The following FHIT variants were observed in gnomAD, a reference collection of about 807,000 sequenced individuals.
FHIT encodes bis(5'-adenosyl)-triphosphatase.
FHIT carries 19 observed loss-of-function variants against 17.9 expected under a neutral mutation model. The ratio of observed to expected loss-of-function variants is 1.06; its 90% CI spans 0.74 to 1.56. FHIT has a LOEUF of 1.56. Among genes scored for constraint, FHIT ranks in the 40% most tolerant of loss-of-function variants. The pLI, the probability that FHIT is intolerant of heterozygous loss-of-function variation, is 0.00. For synonymous variants in FHIT, 81 were observed against 69.7 expected (o/e 1.16, Z -0.81); for missense variants, 248 against 189.2 (o/e 1.31, Z -1.82).
intron 1 of FHIT, among the ~76,000 whole-genome samples, chr3:61,234,560 G>A (rs2040183512): frequency 6.6e-6 from 1 of 152,098 alleles, no homozygotes; most frequent in African/African-American, 2.4e-5. Context: ...AAATATGCAT[G>A]CAATAAAAAC....
At chr3:60,731,157 AAAAT>A (rs2042021512) in intron 4 of FHIT, among the ~76,000 whole-genome samples, 1 of 151,968 alleles carries the variant, frequency 6.6e-6, no homozygotes, top group African/African-American at 2.4e-5. Context: ...ATAAAAATAA[AAAAT>A]AAAAATAAGA....
chr3:60,595,509 GTA>G (rs1214233521), intron 4 of FHIT, among the ~76,000 whole-genome samples: 3 of 109,390 alleles, frequency 2.7e-5, no homozygotes, highest in African/African-American at 3.8e-5. Context: ...GTGTGTGTGT[GTA>G]TATATATATG....
intron 2 of FHIT, among the ~76,000 whole-genome samples, chr3:61,098,709 G>T (rs1576009300): frequency 1.3e-5 from 2 of 152,154 alleles, no homozygotes; most frequent in South Asian, 4.2e-4. Context: ...TTCTTCTGTG[G>T]CAATTATGAA....
chr3:60,866,093 C>T (rs1704148186), intron 3 of FHIT, among the ~76,000 whole-genome samples: 1 of 152,106 alleles, frequency 6.6e-6, no homozygotes, highest in Non-Finnish European at 1.5e-5. Context: ...AAACTCCTGC[C>T]ACAAATACAC....
intron 5 of FHIT, among the ~76,000 whole-genome samples, chr3:60,153,280 C>G (rs1700543500): frequency 6.6e-6 from 1 of 150,508 alleles, no homozygotes; most frequent in Non-Finnish European, 1.5e-5. Flanking sequence ...TTTCTCATGG[C>G]CTCTTCAAAG....
intron 8 of FHIT, among the ~76,000 whole-genome samples, chr3:59,877,776 T>C (rs928620206): frequency 2.2e-4 from 33 of 152,224 alleles, no homozygotes; most frequent in African/African-American, 8.0e-4. Flanking sequence ...ATATGTTTCC[T>C]ATAAGAATAC....
In FHIT at chr3:60,927,633, G is replaced by T. The variant is rs367689975; in HGVS notation, c.-110-105622C>A. 9.9e-5 allele frequency among the ~76,000 whole-genome samples: 15 copies of T among 151,540 alleles called. No individual in the cohort carries two copies. In the South Asian group the frequency reaches 2.5e-3, roughly 25 times the overall value. Reference sequence around the variant, plus strand: ...ATGTGAGGAGCGCCTCTGCCCGGCCGCCCTGTCTGGGAGGTGAGGAGTGTC... The same window carrying T: ...ATGTGAGGAGCGCCTCTGCCCGGCCTCCCTGTCTGGGAGGTGAGGAGTGTC... On this transcript the variant is annotated intron_variant, in intron 3 of 9. Coordinates refer to ENST00000492590, the MANE Select transcript of FHIT (RefSeq NM_002012.4).
At chr3:59,869,648 A>G (rs921858549) in intron 8 of FHIT, among the ~76,000 whole-genome samples, 6 of 145,836 alleles carry the variant, frequency 4.1e-5, no homozygotes, top group African/African-American at 1.5e-4. Context: ...CGCCCAGCTA[A>G]TTTTTTTTTT....
At chr3:61,161,375 G>A (rs2037689191) in intron 2 of FHIT, among the ~76,000 whole-genome samples, 1 of 151,870 alleles carries the variant, frequency 6.6e-6, no homozygotes, top group Non-Finnish European at 1.5e-5. Flanking sequence ...CTCATTTTTT[G>A]TATTTTTAGT....
intron 7 of FHIT, among the ~76,000 whole-genome samples, chr3:59,995,089 C>A (rs768260815): frequency 1.5e-4 from 23 of 152,006 alleles, no homozygotes; most frequent in Non-Finnish European, 3.1e-4. Context: ...CTGGGTATGT[C>A]TGAGCTCTGA....
intron 5 of FHIT, among the ~76,000 whole-genome samples, chr3:60,169,494 G>C (rs2107396727): frequency 6.6e-6 from 1 of 152,286 alleles, no homozygotes; most frequent in African/African-American, 2.4e-5. Flanking sequence ...GGTGATAATT[G>C]TTGTTTTAAA....
At chr3:60,263,403 T>C (rs544096945) in intron 5 of FHIT, among the ~76,000 whole-genome samples, 119 of 152,130 alleles carry the variant, frequency 7.8e-4, no homozygotes, top group Middle Eastern at 6.8e-3. Flanking sequence ...TGAAAAATTA[T>C]AGCTTTCTTC....
intron 3 of FHIT, among the ~76,000 whole-genome samples, chr3:60,846,247 A>G (rs1702920866): frequency 6.6e-6 from 1 of 152,216 alleles, no homozygotes; most frequent in Non-Finnish European, 1.5e-5. Context: ...TGCCTAATGT[A>G]TTATATATTT....
chr3:60,722,827 A>AT, intron 4 of FHIT, among the ~76,000 whole-genome samples: 1 of 147,660 alleles, frequency 6.8e-6, no homozygotes, highest in East Asian at 2.0e-4. Flanking sequence ...GATTCAAATG[A>AT]TTCTCCTGCC....
intron 7 of FHIT, among the ~76,000 whole-genome samples, chr3:60,006,929 T>C (rs1038605242): frequency 1.3e-5 from 2 of 152,184 alleles, no homozygotes; most frequent in Non-Finnish European, 2.9e-5. Flanking sequence ...GAATTATACT[T>C]CTACAAATAA....
chr3:59,942,066 G>A (rs1706547670), intron 7 of FHIT, among the ~76,000 whole-genome samples: 1 of 152,040 alleles, frequency 6.6e-6, no homozygotes, highest in South Asian at 2.1e-4. Context: ...AACCCAAAGT[G>A]GCCTAGCAAC....
chr3:60,175,350 C>T (rs561216612), intron 5 of FHIT, among the ~76,000 whole-genome samples: 2 of 152,034 alleles, frequency 1.3e-5, no homozygotes, highest in African/African-American at 2.4e-5. Context: ...TAGGGTGAAC[C>T]CCCTGCTATT....
At chr3:60,594,101 G>C (rs188688881) in intron 4 of FHIT, among the ~76,000 whole-genome samples, 1 of 152,200 alleles carries the variant, frequency 6.6e-6, no homozygotes, top group Admixed American at 6.5e-5. Context: ...TTCCAGAAAA[G>C]TTAACACCTA....
intron 5 of FHIT, among the ~76,000 whole-genome samples, chr3:60,188,076 A>G (rs866792082): frequency 6.6e-6 from 1 of 151,648 alleles, no homozygotes; most frequent in South Asian, 2.1e-4. Flanking sequence ...CACATTTTCC[A>G]TAACTAATGA....
Sources: gnomAD v4.1 joint callset for allele counts (sites outside exome capture counted in the v4.1 genomes callset) on GRCh38, gnomAD v4.1.1 for gene constraint, MANE v1.5 for transcripts, NCBI Gene and HGNC (gene_info 2026-07-23, HGNC 2026-07-21) for gene names.